Variants in WDR3 observed in about 807,000 individuals in gnomAD.
The protein encoded by WDR3 is WD repeat-containing protein 3.
WDR3 carries 81 observed loss-of-function variants against 123.7 expected under a neutral mutation model. That is an observed-to-expected ratio of 0.65 (90% CI 0.55 to 0.79). WDR3 has a LOEUF of 0.79. Among genes scored for constraint, WDR3 ranks in the 30% least tolerant of loss-of-function variants. The pLI, the probability that WDR3 is intolerant of heterozygous loss-of-function variation, is 0.00. For missense variants in WDR3, 1,027 were observed against 1,123.2 expected (o/e 0.91, Z 1.22); for synonymous variants, 390 against 388.8 (o/e 1.00, Z -0.04).
In WDR3 at chr1:117,938,462, T is replaced by C; in HGVS notation, c.501-18T>C. 2 of 1,606,986 alleles carry C rather than the reference T, an allele frequency of 1.2e-6. No individual in the cohort carries two copies. Reference sequence around the variant, plus strand: ...TTCCTAAACAGGCTATATATTTTTTTCCTGTTTCTTCTTTTAGTGGGAAAG... The same window carrying C: ...TTCCTAAACAGGCTATATATTTTTTCCCTGTTTCTTCTTTTAGTGGGAAAG... On this transcript the variant is annotated intron_variant, in intron 4 of 26. Coordinates refer to ENST00000349139, the MANE Select transcript of WDR3 (RefSeq NM_006784.3).
Position 117,960,109 on chromosome 1 carries a change from C to CGTGTGTGTGTGTGTGTGTGTGTGT in WDR3, c.*677_*700dup, listed in dbSNP as rs3059173. 1 of 144,404 alleles carries CGTGTGTGTGTGTGTGTGTGTGTGT rather than the reference C, an allele frequency of 6.9e-6. No homozygotes were observed. Among genetic ancestry groups the CGTGTGTGTGTGTGTGTGTGTGTGT allele is most frequent in the African/African-American group, 2.6e-5 (1 of 37,900 alleles). The allele number at this position is 144,404 out of a possible 1,614,324, so 8.9% of individuals were successfully genotyped here. Reference sequence around the variant, plus strand: ...TGGGCTTCTGAGGAATTAATACACTCGTGTGTGTGTGTGTGTGTGTGTGTG... The same window carrying CGTGTGTGTGTGTGTGTGTGTGTGT: ...TGGGCTTCTGAGGAATTAATACACTCGTGTGTGTGTGTGTGTGTGTGTGTGTGTGTGTGTGTGTGTGTGTGTGTG... On this transcript the variant is annotated 3_prime_UTR_variant, in exon 27 of 27. Transcript: ENST00000349139.
chr1:117,952,928 ATATC>A lies in WDR3; in HGVS notation c.2152-12_2152-9del. The A allele has an allele frequency of 1.2e-6, 2 of 1,612,640 alleles. No individual in the cohort carries two copies. Among genetic ancestry groups the A allele is most frequent in the Non-Finnish European group, 1.7e-6 (2 of 1,179,128 alleles). On this transcript the variant is annotated splice_polypyrimidine_tract_variant and intron_variant, in intron 19 of 26. Coordinates refer to ENST00000349139, the MANE Select transcript of WDR3 (RefSeq NM_006784.3). ...ATGTTTTTTTCTCTCAAATTAATGT[ATATC>A]TATCTCATGGCAGGAAAGAGAAGCA...
Position 117,934,634 on chromosome 1 carries a change from T to C in WDR3, c.333T>C (p.Thr111=). The C allele has an allele frequency of 6.2e-7, 1 of 1,613,998 alleles. No individual in the cohort carries two copies. The highest frequency in any genetic ancestry group is 8.5e-7 in the Non-Finnish European group (1 of 1,179,978). ...VTFNGHKAAI[T]TLKYDQLGGR... ...TCAATGGTCACAAAGCAGCTATCAC[T>C]ACCTTGAAGTATGATCAGCTAGGAG... Residue 111 remains threonine (T), a synonymous_variant, in exon 3 of 27, where the codon ACT becomes ACC. Transcript: ENST00000349139.
intron 26 of WDR3, 63 bp downstream of exon 26, chr1:117,959,066 A>G: frequency 6.6e-7 from 1 of 1,513,096 alleles, no homozygotes; most frequent in African/African-American, 1.4e-5. Context: ...TAGAAATAGT[A>G]TAGTATGCTG....
rs988309363 is a variant in WDR3, at chr1:117,952,789, TTC to T, written c.2151+128_2151+129del. The T allele has an allele frequency of 1.0e-5, 15 of 1,447,178 alleles. No individual in the cohort carries two copies. In the African/African-American group the frequency reaches 2.0e-4, roughly 19 times the overall value. 89.6% of individuals were successfully genotyped at this position (1,447,178 alleles called of 1,614,324 possible). A position where few individuals can be genotyped will look rare whatever the true frequency, so the allele number is the denominator to read the frequency against. ...AGTCCAAGAACCTTCAGGAGATCTTTTCAAGACCATTGTCACCCATTTCAGAA... is the reference window on the plus strand; with the variant it reads ...AGTCCAAGAACCTTCAGGAGATCTTTAAGACCATTGTCACCCATTTCAGAA... On this transcript the variant is annotated intron_variant, in intron 19 of 26. Coordinates refer to ENST00000349139, the MANE Select transcript of WDR3 (RefSeq NM_006784.3).
At chr1:117,933,032 T>TAAA (rs578170436) in intron 1 of WDR3, among the ~76,000 whole-genome samples, 4 of 92,858 alleles carry the variant, frequency 4.3e-5, no homozygotes, top group African/African-American at 7.7e-5. Context: ...CCATCTCTAC[T>TAAA]AAAAAAAAAA....
intron 4 of WDR3, among the ~76,000 whole-genome samples, chr1:117,937,134 TA>T (rs1650970405): frequency 6.6e-6 from 1 of 152,182 alleles, no homozygotes; most frequent in Non-Finnish European, 1.5e-5. Context: ...CTGTGTTTCT[TA>T]GCCTTTTGAA....
At chr1:117,931,236 T>A (rs1050190493) in intron 1 of WDR3, among the ~76,000 whole-genome samples, 14 of 152,180 alleles carry the variant, frequency 9.2e-5, no homozygotes, top group Admixed American at 6.5e-4. Context: ...TTATGGATAA[T>A]TTTTTTATGC....
chr1:117,930,319 C>A (rs1296170814), intron 1 of WDR3, among the ~76,000 whole-genome samples: 1 of 152,134 alleles, frequency 6.6e-6, no homozygotes, highest in Non-Finnish European at 1.5e-5. Flanking sequence ...TGAAAAAAGG[C>A]TGCTAGAATT....
chr1:117,950,790 C>G (rs1651580962), intron 15 of WDR3, 44 bp from the exon 16 acceptor site: 1 of 1,454,282 alleles, frequency 6.9e-7, no homozygotes, highest in Admixed American at 1.8e-5. Context: ...AAATTATACC[C>G]ATATTTTATA....
At chr1:117,942,046 C>A (rs1170818154) in intron 9 of WDR3, among the ~76,000 whole-genome samples, 199 bp downstream of exon 9, 1 of 152,092 alleles carries the variant, frequency 6.6e-6, no homozygotes, top group Non-Finnish European at 1.5e-5. Context: ...TCTTTTGATA[C>A]CTATTCTGGT....
At position 117,964,236 on chromosome 1, in the gene WDR3, C is replaced by CTTT. The variant is rs373131863; in HGVS notation, c.*4804_*4806dup. 4 of 131,800 alleles carry CTTT rather than the reference C, an allele frequency of 3.0e-5. No individual in the cohort carries two copies. The highest frequency in any genetic ancestry group is 5.9e-5 in the African/African-American group (2 of 33,840). The allele number at this position is 131,800 out of a possible 1,614,324, so 8.2% of individuals were successfully genotyped here. A position where few individuals can be genotyped will look rare whatever the true frequency, so the allele number is the denominator to read the frequency against. ...AACCATATCTACATCAGATTTCATGCTTTTTTTTTTTTTTTTTGGTGGGGA... is the reference window on the plus strand; with the variant it reads ...AACCATATCTACATCAGATTTCATGCTTTTTTTTTTTTTTTTTTTTGGTGGGGA... On this transcript the variant is annotated 3_prime_UTR_variant, in exon 27 of 27. Coordinates refer to ENST00000349139, the MANE Select transcript of WDR3 (RefSeq NM_006784.3).
chr1:117,950,634 G>T (rs1326406427), intron 15 of WDR3, among the ~76,000 whole-genome samples, 200 bp from the exon 16 acceptor site: 1 of 152,040 alleles, frequency 6.6e-6, no homozygotes, highest in Non-Finnish European at 1.5e-5. Context: ...CCACTATACT[G>T]CAGTATTCTT....
chr1:117,955,265 G>A, intron 23 of WDR3, 50 bp from the exon 24 acceptor site: 1 of 1,533,804 alleles, frequency 6.5e-7, no homozygotes, highest in Non-Finnish European at 8.9e-7. Context: ...GAGAACTTTA[G>A]TAGAAACCAA....
chr1:117,952,167 G>C (rs888603294), intron 17 of WDR3, 91 bp downstream of exon 17: 72 of 1,493,634 alleles, frequency 4.8e-5, no homozygotes, highest in Non-Finnish European at 6.0e-5. Flanking sequence ...AGTGTTCTCA[G>C]GCAGTGATAC....
At chr1:117,930,899 G>A (rs1221486121) in intron 1 of WDR3, among the ~76,000 whole-genome samples, 1 of 152,208 alleles carries the variant, frequency 6.6e-6, no homozygotes, top group Non-Finnish European at 1.5e-5. Flanking sequence ...TTCCTTGTCT[G>A]TAAAATAGAG....
intron 26 of WDR3, 98 bp downstream of exon 26, chr1:117,959,101 C>T: frequency 7.6e-7 from 1 of 1,314,716 alleles, no homozygotes; most frequent in Non-Finnish European, 1.1e-6. Context: ...CAATACCCAC[C>T]ACCGATAAAT....
intron 10 of WDR3, 41 bp downstream of exon 10, chr1:117,942,585 G>C (rs1651209945): frequency 1.3e-6 from 2 of 1,557,112 alleles, no homozygotes; most frequent in Admixed American, 3.4e-5. Flanking sequence ...GAAATAGTAA[G>C]CTACCAAGTA....
chr1:117,963,609 C>G lies in WDR3; in HGVS notation c.*4162C>G, dbSNP rs180837500. The stretch of plus-strand genomic sequence containing the variant: ...TCGATCTCCTGACCTTGTGATCCAC[C>G]CACCTCGGCCTCCCAAAGTGCTGGG... On this transcript the variant is annotated 3_prime_UTR_variant, in exon 27 of 27. Transcript: ENST00000349139. The G allele has an allele frequency of 6.2e-4, 245 of 395,510 alleles. No homozygotes were observed. Among genetic ancestry groups the G allele is most frequent in the Middle Eastern group, 3.1e-3 (4 of 1,288 alleles). The allele number at this position is 395,510 out of a possible 1,614,324, so 24.5% of individuals were successfully genotyped here.
Sources: gnomAD v4.1 joint callset for allele counts (sites outside exome capture counted in the v4.1 genomes callset) on GRCh38, gnomAD v4.1.1 for gene constraint, MANE v1.5 for transcripts, NCBI Gene and HGNC (gene_info 2026-07-23, HGNC 2026-07-21) for gene names.